NTNG1: variants seen among roughly 807,000 people sequenced by gnomAD.
NTNG1 encodes the protein netrin-G1.
NTNG1 carries 16 observed loss-of-function variants against 54.0 expected under a neutral mutation model. The observed-to-expected ratio is 0.30, with a 90% CI of 0.20 to 0.45. The LOEUF (loss-of-function observed/expected upper bound fraction) is 0.45, where lower values mean the gene tolerates loss of function less well. Among genes scored for constraint, NTNG1 ranks in the 20% least tolerant of loss-of-function variants. The probability of loss-of-function intolerance (pLI) is 1.00; values close to 1 mark genes in which losing one functional copy is unlikely to be tolerated. For synonymous variants in NTNG1, 255 were observed against 263.1 expected (o/e 0.97, Z 0.30); for missense variants, 530 against 678.7 (o/e 0.78, Z 2.43).
chr1:107,324,587 T>G lies in NTNG1; in HGVS notation c.552T>G (p.Asp184Glu). 1 of 1,613,714 alleles carries G rather than the reference T, an allele frequency of 6.2e-7. No homozygotes were observed. Among genetic ancestry groups the G allele is most frequent in the Non-Finnish European group, 8.5e-7 (1 of 1,179,828 alleles). ...PYQYYATDCLDAFHMDPKSVK... is the reference protein window; with the variant it reads ...PYQYYATDCLEAFHMDPKSVK... ...AGTATTATGCCACAGACTGCTTAGA[T>G]GCTTTTCACATGGATCCTAAATCCG... Residue 184 changes from aspartate (D) to glutamate (E), a missense_variant, in exon 3 of 8, where the codon GAT becomes GAG. Physicochemically the swap from Asp to Glu is conservative, Grantham distance 45. This residue lies in a region of NTNG1 where 318 missense variants were observed against 465.1 expected (regional missense o/e 0.68). Coordinates refer to ENST00000370068, the MANE Select transcript of NTNG1 (RefSeq NM_001113226.3).
rs2101906158 is a variant in NTNG1, at chr1:107,334,512, G to A, written c.887+9590G>A. Among the ~76,000 whole-genome samples the A allele has an allele frequency of 2.0e-5, 3 of 151,984 alleles. No homozygotes were observed. The South Asian group carries it at 6.2e-4, about 32-fold the overall frequency. On this transcript the variant is annotated intron_variant, in intron 3 of 7. Coordinates refer to ENST00000370068, the MANE Select transcript of NTNG1 (RefSeq NM_001113226.3). ...AGTCTAAGAGGTCAGAGATTTGGCA[G>A]GTTGGAAGGAGACAGCATCATTAAC...
intron 2 of NTNG1, among the ~76,000 whole-genome samples, chr1:107,176,375 G>T (rs983465036): frequency 6.6e-6 from 1 of 152,078 alleles, no homozygotes; most frequent in African/African-American, 2.4e-5. Context: ...TTACTCTTAA[G>T]TATCTGAACA....
intron 2 of NTNG1, among the ~76,000 whole-genome samples, 177 bp from the exon 3 acceptor site, chr1:107,324,105 A>T (rs1344013811): frequency 6.6e-6 from 1 of 151,614 alleles, no homozygotes; most frequent in Non-Finnish European, 1.5e-5. Context: ...AAATTACCAT[A>T]TTGCTTTTTT....
chr1:107,373,586 T>C (rs1372889239), intron 3 of NTNG1, among the ~76,000 whole-genome samples: 5 of 151,642 alleles, frequency 3.3e-5, no homozygotes, highest in East Asian at 1.9e-4. Flanking sequence ...TTTTTTTTTT[T>C]CCTAAAGGAC....
chr1:107,349,251 C>T (rs934014880), intron 3 of NTNG1, among the ~76,000 whole-genome samples: 3 of 152,166 alleles, frequency 2.0e-5, no homozygotes, highest in African/African-American at 7.2e-5. Context: ...CATTTTCTCT[C>T]CAACAGCAAC....
intron 5 of NTNG1, chr1:107,418,646 G>A (rs1395899102): frequency 6.3e-7 from 1 of 1,584,384 alleles, no homozygotes; most frequent in Non-Finnish European, 8.6e-7. Flanking sequence ...CCAAAACAAG[G>A]TAGGAGCATG....
chr1:107,178,141 A>G lies in NTNG1; in HGVS notation c.246+29302A>G, dbSNP rs79710146. Among the ~76,000 whole-genome samples, 385 of 152,342 alleles carry G rather than the reference A, an allele frequency of 2.5e-3. 2 individuals are homozygous for G. Among genetic ancestry groups the G allele is most frequent in the African/African-American group, 8.8e-3 (366 of 41,574 alleles). Reference sequence around the variant, plus strand: ...AGGTTAACTCTTTAAGTTGAAAGTCATTAAACCAAATTTACATTATCATGA... The same window carrying G: ...AGGTTAACTCTTTAAGTTGAAAGTCGTTAAACCAAATTTACATTATCATGA... On this transcript the variant is annotated intron_variant, in intron 2 of 7. Coordinates refer to ENST00000370068, the MANE Select transcript of NTNG1 (RefSeq NM_001113226.3).
At chr1:107,363,324 C>G (rs1670402322) in intron 3 of NTNG1, among the ~76,000 whole-genome samples, 1 of 151,260 alleles carries the variant, frequency 6.6e-6, no homozygotes, top group South Asian at 2.1e-4. Context: ...TGTGTAGTCT[C>G]TGTGCCAGAA....
chr1:107,218,993 A>G (rs1434715559), intron 2 of NTNG1, among the ~76,000 whole-genome samples: 1 of 152,060 alleles, frequency 6.6e-6, no homozygotes, highest in African/African-American at 2.4e-5. Flanking sequence ...AGCTCCAAAT[A>G]TGTTTTTGGA....
At chr1:107,299,204 C>A (rs1570619032) in intron 2 of NTNG1, among the ~76,000 whole-genome samples, 1 of 152,160 alleles carries the variant, frequency 6.6e-6, no homozygotes, top group East Asian at 1.9e-4. Flanking sequence ...CTCAAAGTTG[C>A]AAAGAGATAC....
chr1:107,205,048 TA>T (rs1232075910), intron 2 of NTNG1, among the ~76,000 whole-genome samples: 1 of 152,118 alleles, frequency 6.6e-6, no homozygotes, highest in African/African-American at 2.4e-5. Context: ...AACCTGGAAG[TA>T]AAGCACATGA....
At chr1:107,361,269 G>T (rs1424508998) in intron 3 of NTNG1, among the ~76,000 whole-genome samples, 2 of 132,668 alleles carry the variant, frequency 1.5e-5, no homozygotes, top group South Asian at 2.3e-4. Flanking sequence ...TGTTATGTAA[G>T]AACTATATAA....
At chr1:107,422,638 G>A (rs537569296) in intron 5 of NTNG1, among the ~76,000 whole-genome samples, 3 of 152,214 alleles carry the variant, frequency 2.0e-5, no homozygotes, top group Admixed American at 1.3e-4. Context: ...GAAAATGCTA[G>A]AGCCTCTTAA....
intron 3 of NTNG1, among the ~76,000 whole-genome samples, chr1:107,334,209 AATGAATC>A (rs2101905258): frequency 6.6e-6 from 1 of 152,114 alleles, no homozygotes; most frequent in South Asian, 2.1e-4. Flanking sequence ...ATTTTAGTTA[AATGAATC>A]TTGCCTTTCT....
intron 4 of NTNG1, among the ~76,000 whole-genome samples, chr1:107,399,399 A>G (rs964569712): frequency 1.3e-5 from 2 of 152,188 alleles, no homozygotes; most frequent in Non-Finnish European, 2.9e-5. Context: ...AAGAAAATCA[A>G]ATTGGTCTGA....
chr1:107,263,864 G>T (rs1663543114), intron 2 of NTNG1, among the ~76,000 whole-genome samples: 1 of 152,070 alleles, frequency 6.6e-6, no homozygotes. Context: ...TTGGGATTTT[G>T]TTAAAAGAAA....
At chr1:107,359,837 A>T (rs904868651) in intron 3 of NTNG1, among the ~76,000 whole-genome samples, 23 of 152,202 alleles carry the variant, frequency 1.5e-4, no homozygotes, top group Non-Finnish European at 7.3e-5. Flanking sequence ...AGGAAAAGAG[A>T]GAAGTGGAAA....
At chr1:107,403,249 T>G (rs2101123847) in intron 4 of NTNG1, among the ~76,000 whole-genome samples, 1 of 152,292 alleles carries the variant, frequency 6.6e-6, no homozygotes, top group East Asian at 1.9e-4. Flanking sequence ...AAAGAATAAT[T>G]GCAAGTACCT....
intron 2 of NTNG1, among the ~76,000 whole-genome samples, chr1:107,264,877 C>T (rs997158092): frequency 2.6e-5 from 4 of 152,064 alleles, no homozygotes; most frequent in African/African-American, 9.7e-5. Flanking sequence ...TTGTTTCCCC[C>T]GAAATAAAGG....
Sources: allele counts gnomAD v4.1 joint callset (sites outside exome capture counted in the v4.1 genomes callset), GRCh38; gene constraint gnomAD v4.1.1; regional missense constraint gnomAD v4.1.1; transcripts MANE v1.5; gene names NCBI Gene and HGNC (gene_info 2026-07-23, HGNC 2026-07-21).